Variants in ARHGAP10 observed in about 807,000 individuals in gnomAD.
ARHGAP10 encodes the protein Rho GTPase activating protein 10.
ARHGAP10 carries 87 observed loss-of-function variants against 108.6 expected under a neutral mutation model. The observed-to-expected ratio is 0.80, with a 90% CI of 0.67 to 0.96. ARHGAP10 has a LOEUF of 0.96. ARHGAP10 is among the 40% of genes least tolerant of loss of function. The pLI, the probability that ARHGAP10 is intolerant of heterozygous loss-of-function variation, is 0.00. For synonymous variants in ARHGAP10, 347 were observed against 341.1 expected (o/e 1.02, Z -0.19); for missense variants, 939 against 954.5 (o/e 0.98, Z 0.21).
At chr4:148,060,019 G>A (rs1038777163) in intron 20 of ARHGAP10, among the ~76,000 whole-genome samples, 2 of 69,882 alleles carry the variant, frequency 2.9e-5, no homozygotes, top group South Asian at 9.3e-4. Context: ...AGAGAGAGGG[G>A]AGAGAGACGA....
At chr4:147,762,499 C>CTTAT (rs113127539) in intron 1 of ARHGAP10, among the ~76,000 whole-genome samples, 10,004 of 147,960 alleles carry the variant, frequency 0.068, 953 homozygotes, top group African/African-American at 0.21. Flanking sequence ...AAGATAATTG[C>CTTAT]TTATTTATTT....
chr4:147,938,135 C>T (rs1387991757), intron 13 of ARHGAP10, among the ~76,000 whole-genome samples: 1 of 152,110 alleles, frequency 6.6e-6, no homozygotes, highest in Non-Finnish European at 1.5e-5. Context: ...ACTGCATGTT[C>T]TCACTTATAA....
Position 147,792,059 on chromosome 4 carries a change from TAGCACGTG to T in ARHGAP10, c.155-30664_155-30657del, listed in dbSNP as rs1731146929. ...ACGTGAGAGTAGAATTGCTGTGTGG[TAGCACGTG>T]AGCGTCTTTCACTCCAGGGTTGTCT... is the stretch of plus-strand genomic sequence containing the variant. On this transcript the variant is annotated intron_variant, in intron 1 of 22. Transcript: ENST00000336498. 3.9e-5 allele frequency among the ~76,000 whole-genome samples: 6 copies of T among 152,346 alleles called. No homozygotes were observed. The South Asian group carries it at 1.2e-3, about 32-fold the overall frequency.
chr4:147,988,028 A>G (rs543332767), intron 18 of ARHGAP10, among the ~76,000 whole-genome samples: 5 of 152,366 alleles, frequency 3.3e-5, no homozygotes, highest in African/African-American at 1.2e-4. Flanking sequence ...TTGCAGTTCA[A>G]TAAAGTTACA....
rs536829151 is a variant in ARHGAP10 at position 147,760,728 on chromosome 4, T to C, written c.154+28273T>C. Among the ~76,000 whole-genome samples the C allele has an allele frequency of 1.2e-3, 186 of 152,314 alleles. 1 individual carries two copies. The highest frequency in any genetic ancestry group is 1.2e-3 in the Non-Finnish European group (84 of 68,034). ...ATTCCCTACCCTAATTCATGTCTTA[T>C]TTCTTCTTTTAGGCTCATTCAGGCT... On this transcript the variant is annotated intron_variant, in intron 1 of 22. Coordinates refer to ENST00000336498, the MANE Select transcript of ARHGAP10 (RefSeq NM_024605.4).
intron 19 of ARHGAP10, among the ~76,000 whole-genome samples, chr4:148,024,538 G>A (rs1741692817): frequency 6.6e-6 from 1 of 152,208 alleles, no homozygotes; most frequent in South Asian, 2.1e-4. Flanking sequence ...AATGCCTCCT[G>A]TAATGACACA....
At chr4:147,909,482 A>G (rs1200335777) in intron 11 of ARHGAP10, among the ~76,000 whole-genome samples, 1 of 152,210 alleles carries the variant, frequency 6.6e-6, no homozygotes, top group African/African-American at 2.4e-5. Flanking sequence ...CCTCATTAGC[A>G]TAAACTCACA....
At chr4:147,753,585 C>T (rs747297045) in intron 1 of ARHGAP10, among the ~76,000 whole-genome samples, 5 of 151,738 alleles carry the variant, frequency 3.3e-5, no homozygotes, top group Non-Finnish European at 7.4e-5. Flanking sequence ...AACTCCTGAC[C>T]TCAGGTGATC....
At chr4:148,063,742 T>C (rs1197294787) in intron 21 of ARHGAP10, among the ~76,000 whole-genome samples, 1 of 152,188 alleles carries the variant, frequency 6.6e-6, no homozygotes, top group East Asian at 1.9e-4. Context: ...CTCAGGTGCT[T>C]CTTCCTGTCA....
rs528943893 is a variant in ARHGAP10 at position 147,899,324 on chromosome 4, C to T, written c.1035-7314C>T. 2.6e-5 allele frequency among the ~76,000 whole-genome samples: 4 copies of T among 151,344 alleles called. No individual in the cohort carries two copies. In the East Asian group the frequency reaches 5.8e-4, roughly 22 times the overall value. On this transcript the variant is annotated intron_variant, in intron 10 of 22. Coordinates refer to ENST00000336498, the MANE Select transcript of ARHGAP10 (RefSeq NM_024605.4). The stretch of plus-strand genomic sequence containing the variant: ...AGCAGCTGGGGTGTGTGTGTGTGTG[C>T]ATGCGTGTGTGTGTGTGTGTCTGTG...
chr4:147,948,029 C>T (rs1461955097), intron 15 of ARHGAP10, among the ~76,000 whole-genome samples: 3 of 151,112 alleles, frequency 2.0e-5, no homozygotes, highest in African/African-American at 7.3e-5. Flanking sequence ...CAACCTCCGC[C>T]TCCCGGGTTC....
chr4:147,815,784 T>C (rs1732218446), intron 1 of ARHGAP10, among the ~76,000 whole-genome samples: 1 of 152,186 alleles, frequency 6.6e-6, no homozygotes, highest in African/African-American at 2.4e-5. Flanking sequence ...GAGTTTCTCA[T>C]GAGCCCAGGA....
chr4:147,946,817 A>T (rs867548427), intron 15 of ARHGAP10, 113 bp downstream of exon 15: 1 of 818,680 alleles, frequency 1.2e-6, no homozygotes, highest in East Asian at 3.2e-5. Context: ...TTATTTTAAA[A>T]AGGGAAAATT....
At chr4:148,070,993 C>T (rs1347886001) in intron 22 of ARHGAP10, among the ~76,000 whole-genome samples, 1 of 152,176 alleles carries the variant, frequency 6.6e-6, no homozygotes, top group Non-Finnish European at 1.5e-5. Context: ...TATTTATGAA[C>T]AGTCCATTGT....
chr4:147,871,672 G>A (rs1221358516), intron 7 of ARHGAP10, among the ~76,000 whole-genome samples: 1 of 152,098 alleles, frequency 6.6e-6, no homozygotes, highest in Non-Finnish European at 1.5e-5. Context: ...TGTAACGTTT[G>A]GGGTCTAACA....
Position 147,894,366 on chromosome 4 carries a change from A to T in ARHGAP10, c.1035-12272A>T, listed in dbSNP as rs575235359. 5.6e-4 allele frequency among the ~76,000 whole-genome samples: 85 copies of T among 151,834 alleles called. 2 individuals are homozygous for T. In the South Asian group the frequency reaches 6.2e-3, roughly 11 times the overall value. ...GGCCATTTATGTTTCTTCTGTCATG[A>T]AGTGTCTATTAAAATCTCCTGCCCA... On this transcript the variant is annotated intron_variant, in intron 10 of 22. Coordinates refer to ENST00000336498, the MANE Select transcript of ARHGAP10 (RefSeq NM_024605.4).
At chr4:147,775,210 C>T (rs1340082981) in intron 1 of ARHGAP10, among the ~76,000 whole-genome samples, 1 of 152,152 alleles carries the variant, frequency 6.6e-6, no homozygotes, top group Non-Finnish European at 1.5e-5. Flanking sequence ...ACCGCACCGG[C>T]CTGATGGTCA....
chr4:147,849,203 T>C (rs889266043), intron 4 of ARHGAP10, among the ~76,000 whole-genome samples: 1 of 152,160 alleles, frequency 6.6e-6, no homozygotes, highest in East Asian at 1.9e-4. Flanking sequence ...ATCTGTCCTT[T>C]TCATTAGGTT....
chr4:147,742,711 C>T (rs1728734745), intron 1 of ARHGAP10, among the ~76,000 whole-genome samples: 1 of 151,820 alleles, frequency 6.6e-6, no homozygotes, highest in Non-Finnish European at 1.5e-5. Context: ...GTCTTGAACT[C>T]CTGACCTCAG....
Sources: allele counts gnomAD v4.1 joint callset (sites outside exome capture counted in the v4.1 genomes callset), GRCh38; gene constraint gnomAD v4.1.1; transcripts MANE v1.5; gene names NCBI Gene and HGNC (gene_info 2026-07-23, HGNC 2026-07-21).